Variants in RFX4 observed in about 807,000 individuals in gnomAD.
RFX4 encodes the protein transcription factor RFX4.
In RFX4, 10 loss-of-function variants were observed where a neutral mutation model predicts 95.0. The observed-to-expected ratio is 0.11, with a 90% CI of 0.06 to 0.18. RFX4 has a LOEUF of 0.18. Among genes scored for constraint, RFX4 ranks in the 10% least tolerant of loss-of-function variants. The pLI, the probability that RFX4 is intolerant of heterozygous loss-of-function variation, is 1.00. For missense variants in RFX4, 640 were observed against 922.0 expected, an observed-to-expected ratio of 0.69 and a Z score of 3.96; for synonymous variants, 321 against 340.7, an observed-to-expected ratio of 0.94 and a Z score of 0.64.
intron 7 of RFX4, among the ~76,000 whole-genome samples, chr12:106,690,550 T>A (rs2137431936): frequency 6.6e-6 from 1 of 151,546 alleles, no homozygotes; most frequent in East Asian, 2.0e-4. Context: ...CACAATCCAG[T>A]GCGTTTGTTC....
intron 1 of RFX4, among the ~76,000 whole-genome samples, chr12:106,589,500 A>G (rs2039508573): frequency 6.6e-6 from 1 of 152,140 alleles, no homozygotes; most frequent in Non-Finnish European, 1.5e-5. Context: ...TTCACACATT[A>G]GCCATTGAAG....
chr12:106,613,366 A>ATT (rs543428046), intron 2 of RFX4, among the ~76,000 whole-genome samples: 2 of 141,586 alleles, frequency 1.4e-5, no homozygotes, highest in African/African-American at 2.6e-5. Flanking sequence ...TTTTGCATCA[A>ATT]TTTTTTTTTT....
At chr12:106,626,301 A>T (rs1036005754) in intron 2 of RFX4, among the ~76,000 whole-genome samples, 1 of 152,186 alleles carries the variant, frequency 6.6e-6, no homozygotes, top group African/African-American at 2.4e-5. Context: ...GACTCTGGGG[A>T]AGGCATCTTG....
At chr12:106,759,915 C>T (rs538881475) in intron 17 of RFX4, among the ~76,000 whole-genome samples, 2 of 152,278 alleles carry the variant, frequency 1.3e-5, no homozygotes, top group South Asian at 4.1e-4. Flanking sequence ...TCTTTGCATG[C>T]TTCCGGCCTA....
chr12:106,706,165 A>C (rs1300161237), intron 8 of RFX4, among the ~76,000 whole-genome samples: 1 of 152,240 alleles, frequency 6.6e-6, no homozygotes, highest in Non-Finnish European at 1.5e-5. Context: ...CCAGGGGCGA[A>C]GGCCCTGAGG....
intron 3 of RFX4, among the ~76,000 whole-genome samples, chr12:106,653,397 G>A (rs759715678): frequency 6.6e-5 from 10 of 152,162 alleles, no homozygotes; most frequent in South Asian, 2.1e-4. Context: ...GGCACCATGC[G>A]GATGCTTGTC....
At chr12:106,711,334 G>A in intron 9 of RFX4, 119 bp from the exon 10 acceptor site, 1 of 826,204 alleles carries the variant, frequency 1.2e-6, no homozygotes, top group South Asian at 1.5e-5. Context: ...AATGGGATTG[G>A]GCAGTGAGAT....
At chr12:106,754,698 G>A (rs915742079) in intron 17 of RFX4, among the ~76,000 whole-genome samples, 2 of 152,156 alleles carry the variant, frequency 1.3e-5, no homozygotes, top group Admixed American at 1.3e-4. Context: ...TTTAATATCT[G>A]GTCTTAATAG....
chr12:106,606,254 T>G (rs991236879), intron 1 of RFX4, among the ~76,000 whole-genome samples: 5 of 151,978 alleles, frequency 3.3e-5, no homozygotes, highest in Admixed American at 2.0e-4. Context: ...AAAGGGGGAT[T>G]GGGGTGTAGA....
At chr12:106,635,398 C>T (rs868322987) in intron 2 of RFX4, among the ~76,000 whole-genome samples, 24 of 152,070 alleles carry the variant, frequency 1.6e-4, no homozygotes, top group African/African-American at 4.8e-4. Flanking sequence ...TTGCAACCTC[C>T]GCCTCCCAGG....
chr12:106,720,897 C>G lies in RFX4; in HGVS notation c.1351+21C>G, dbSNP rs1054457561. 6.2e-7 allele frequency: 1 copy of G among 1,605,408 alleles called. No individual in the cohort carries two copies. Among genetic ancestry groups the G allele is most frequent in the Admixed American group, 1.7e-5 (1 of 60,012 alleles). On this transcript the variant is annotated intron_variant, in intron 13 of 17. Transcript: ENST00000392842. This position sits in a 1 kb window ranked among gnomAD's most constrained non-coding sequence, Gnocchi z 4.2. ...CTTCGGTAAGGCCACCCCAGCCCTCCCCATCTCCAAGCACTTTTTCCTCTG... is the reference window on the plus strand; with the variant it reads ...CTTCGGTAAGGCCACCCCAGCCCTCGCCATCTCCAAGCACTTTTTCCTCTG...
chr12:106,760,239 G>T (rs1359104389), intron 17 of RFX4, among the ~76,000 whole-genome samples: 1 of 152,176 alleles, frequency 6.6e-6, no homozygotes, highest in Non-Finnish European at 1.5e-5. Context: ...GCACAGCAAA[G>T]AAATCTTTGT....
intron 15 of RFX4, among the ~76,000 whole-genome samples, chr12:106,737,561 G>T (rs563047187): frequency 5.3e-5 from 8 of 152,188 alleles, no homozygotes; most frequent in South Asian, 4.2e-4. Flanking sequence ...ATATATCCCA[G>T]AGACTTTTGA....
intron 10 of RFX4, among the ~76,000 whole-genome samples, chr12:106,712,608 C>T (rs1239746038): frequency 6.6e-6 from 1 of 152,136 alleles, no homozygotes; most frequent in Non-Finnish European, 1.5e-5. Flanking sequence ...ACATATACCT[C>T]ACTGCTCCTG....
At chr12:106,712,152 C>T (rs922856055) in intron 10 of RFX4, among the ~76,000 whole-genome samples, 1 of 152,202 alleles carries the variant, frequency 6.6e-6, no homozygotes. Flanking sequence ...GGTGGCAAAC[C>T]GGTGGCCACA....
intron 2 of RFX4, among the ~76,000 whole-genome samples, chr12:106,613,903 G>A (rs961482394): frequency 3.9e-5 from 6 of 152,162 alleles, no homozygotes; most frequent in Non-Finnish European, 5.9e-5. Flanking sequence ...AGATCATAAT[G>A]TATAGGTATA....
At chr12:106,735,622 GA>G (rs2042695992) in intron 15 of RFX4, among the ~76,000 whole-genome samples, 1 of 152,136 alleles carries the variant, frequency 6.6e-6, no homozygotes, top group South Asian at 2.1e-4. Context: ...GAAGTGTAAA[GA>G]AAAAAACTGC....
chr12:106,619,006 C>T (rs868416592), intron 2 of RFX4, among the ~76,000 whole-genome samples: 35 of 152,262 alleles, frequency 2.3e-4, no homozygotes, highest in African/African-American at 6.5e-4. Flanking sequence ...CCACTTCAAG[C>T]TCAGTGAAAG....
chr12:106,638,891 C>T (rs1273858182), intron 2 of RFX4, among the ~76,000 whole-genome samples: 2 of 152,184 alleles, frequency 1.3e-5, no homozygotes, highest in African/African-American at 4.8e-5. Flanking sequence ...AAGGCCCCAC[C>T]TTCAAATATC....
Sources: allele counts gnomAD v4.1 joint callset (sites outside exome capture counted in the v4.1 genomes callset), GRCh38; gene constraint gnomAD v4.1.1; non-coding constraint Gnocchi (gnomAD v3.1); transcripts MANE v1.5; gene names NCBI Gene and HGNC (gene_info 2026-07-23, HGNC 2026-07-21).